Variants in ABCA2 observed in about 807,000 individuals in gnomAD.
The protein encoded by ABCA2 is ATP-binding cassette sub-family A member 2.
A neutral mutation model predicts 262.8 loss-of-function variants in ABCA2; 84 were observed. That is an observed-to-expected ratio of 0.32 (90% CI 0.27 to 0.38). ABCA2 has a LOEUF of 0.38. Ranked by LOEUF, ABCA2 falls within the 10% of genes least tolerant of loss-of-function variation. The probability of loss-of-function intolerance (pLI) is 1.00; values close to 1 mark genes in which losing one functional copy is unlikely to be tolerated. For synonymous variants in ABCA2, 1,696 were observed against 1,502.9 expected, an observed-to-expected ratio of 1.13 and a Z score of -2.97; for missense variants, 2,662 against 3,405.9, an observed-to-expected ratio of 0.78 and a Z score of 5.44.
intron 13 of ABCA2, among the ~76,000 whole-genome samples, 156 bp downstream of exon 13, chr9:137,018,563 G>GT (rs1831344041): frequency 1.0e-5 from 1 of 99,492 alleles, no homozygotes; most frequent in Non-Finnish European, 2.0e-5. Flanking sequence ...GGTTGGGGCC[G>GT]TTTGGAAGGG....
Position 137,021,111 on chromosome 9 carries a change from T to G in ABCA2, c.898-50A>C. The G allele has an allele frequency of 3.5e-6, 5 of 1,446,034 alleles. No individual in the cohort carries two copies. The highest frequency in any genetic ancestry group is 4.5e-6 in the Non-Finnish European group (5 of 1,101,790). The allele number at this position is 1,446,034 out of a possible 1,614,324, so 89.6% of individuals were successfully genotyped here. A position where few individuals can be genotyped will look rare whatever the true frequency, so the allele number is the denominator to read the frequency against. On this transcript the variant is annotated intron_variant, in intron 8 of 48. Coordinates refer to ENST00000341511, the MANE Select transcript of ABCA2 (RefSeq NM_001606.5). This position sits in a 1 kb window ranked among gnomAD's most constrained non-coding sequence, Gnocchi z 6.0. ...AGTGCGGGGTGAGATGGACTGCAGG[T>G]GGGTGATAGGTCAGGAGTGGAGCAG...
Position 137,016,797 on chromosome 9 carries a change from G to A in ABCA2, c.2759-59C>T, listed in dbSNP as rs1002494808. The A allele has an allele frequency of 1.6e-5, 24 of 1,537,348 alleles. No homozygotes were observed. The African/African-American group carries it at 2.6e-4, about 17-fold the overall frequency. On this transcript the variant is annotated intron_variant, in intron 19 of 48. Coordinates refer to ENST00000341511, the MANE Select transcript of ABCA2 (RefSeq NM_001606.5). ...AGGGCCTGGGGTGACCATCCACCAC[G>A]TGGGCCACGTGCCCACCCAGGGAGC... is the stretch of plus-strand genomic sequence containing the variant.
At chr9:137,008,900 G>GCCCCCCCCCCCCCCGAGC in intron 46 of ABCA2, 32 bp from the exon 47 acceptor site, 1 of 1,555,268 alleles carries the variant, frequency 6.4e-7, no homozygotes, top group Non-Finnish European at 8.7e-7. Context: ...GCCTGGCAGC[G>GCCCCCCCCCCCCCCGAGC]CCCCCCCACC....
Position 137,010,721 on chromosome 9 carries a change from T to C in ABCA2, c.6073A>G (p.Thr2025Ala), listed in dbSNP as rs760288576. The C allele has an allele frequency of 2.4e-5, 38 of 1,612,298 alleles. No individual in the cohort carries two copies. The highest frequency in any genetic ancestry group is 2.9e-5 in the Non-Finnish European group (34 of 1,179,808). ...TCCACATCATCCTCCACAGGCTTGG[T>C]AGACACAGGCATGCGCCTTGGGGGA... is the stretch of plus-strand genomic sequence containing the variant. ...LRRPQRMPVS[T>A]KPVEDDVDVA... Residue 2025 changes from threonine to alanine, a missense_variant, in exon 40 of 49, where the codon ACC (threonine) becomes GCC (alanine). Thr to Ala is a moderately conservative substitution (Grantham distance 58). Around this residue, in one of 12 missense-constraint regions of ABCA2, gnomAD observed 602 missense variants for 897.4 expected, o/e 0.67. Coordinates refer to ENST00000341511, the MANE Select transcript of ABCA2 (RefSeq NM_001606.5).
At chr9:137,008,055 T>G in intron 48 of ABCA2, 91 bp from the exon 49 acceptor site, 1 of 1,490,698 alleles carries the variant, frequency 6.7e-7, no homozygotes, top group Non-Finnish European at 9.0e-7. Context: ...CCGGCCCTCC[T>G]GCAGGCTGGG....
chr9:137,022,849 C>G lies in ABCA2; in HGVS notation c.292G>C (p.Glu98Gln). Residue 98 changes from glutamate (E) to glutamine (Q), a missense_variant, in exon 5 of 49, where the codon GAG becomes CAG. Physicochemically the swap from Glu to Gln is conservative, Grantham distance 29 (BLOSUM62 2). Transcript: ENST00000341511. ...YANSTVTQLLERLDRVVEEGN... is the reference protein window; with the variant it reads ...YANSTVTQLLQRLDRVVEEGN... Reference sequence around the variant, plus strand: ...TCCTCCACCACGCGGTCCAGGCGCTCAAGCAGCTGCGTGACCCTGCACCAT... The same window carrying G: ...TCCTCCACCACGCGGTCCAGGCGCTGAAGCAGCTGCGTGACCCTGCACCAT... 1 of 1,503,674 alleles carries G rather than the reference C, an allele frequency of 6.7e-7. No homozygotes were observed. The highest frequency in any genetic ancestry group is 9.0e-7 in the Non-Finnish European group (1 of 1,116,868). 93.1% of individuals were successfully genotyped at this position (1,503,674 alleles called of 1,614,324 possible).
At position 137,022,019 on chromosome 9, in the gene ABCA2, A is replaced by ATGGCTCCGATGGGGGTG; in HGVS notation, c.568-19_568-18insCACCCCCATCGGAGCCA. On this transcript the variant is annotated intron_variant, in intron 6 of 48. Coordinates refer to ENST00000341511, the MANE Select transcript of ABCA2 (RefSeq NM_001606.5). ...TGGTAGACCTAGGAGGTGTGGGGGA[A>ATGGCTCCGATGGGGGTG]TGGCTCAGATGGGGTGTGGGGGGCG... The ATGGCTCCGATGGGGGTG allele has an allele frequency of 1.3e-4, 176 of 1,327,820 alleles. No homozygotes were observed. The highest frequency in any genetic ancestry group is 1.6e-4 in the Non-Finnish European group (160 of 970,864). 82.3% of individuals were successfully genotyped at this position (1,327,820 alleles called of 1,614,324 possible). A position where few individuals can be genotyped will look rare whatever the true frequency, so the allele number is the denominator to read the frequency against.
rs1588520636 is a variant in ABCA2 at position 137,018,571 on chromosome 9, G to A, written c.1819+148C>T. 9.7e-5 allele frequency: 63 copies of A among 648,138 alleles called. No homozygotes were observed. The East Asian group carries it at 1.8e-3, about 18-fold the overall frequency. 40.1% of individuals were successfully genotyped at this position (648,138 alleles called of 1,614,324 possible). ...GGTTGTGGGTTGGGGCCGTTTGGAA[G>A]GGGCAGGGGTGGGGAGGGGAAGTGG... On this transcript the variant is annotated intron_variant, in intron 13 of 48. Transcript: ENST00000341511.
At chr9:137,027,562 G>GAA (rs1831694311) in intron 1 of ABCA2, 1 of 152,546 alleles carries the variant, frequency 6.6e-6, no homozygotes. Context: ...GAGGGGAGGC[G>GAA]GAGAGATGCC....
intron 45 of ABCA2, 122 bp from the exon 46 acceptor site, chr9:137,009,175 C>T: frequency 9.1e-7 from 1 of 1,096,286 alleles, no homozygotes; most frequent in Non-Finnish European, 1.3e-6. Context: ...CCCACAGCCC[C>T]CCAACCCCAC....
rs875285 is a variant in ABCA2, at chr9:137,018,701, G to A, written c.1819+18C>T. 57 of 1,596,194 alleles carry A rather than the reference G, an allele frequency of 3.6e-5. No individual in the cohort carries two copies. Among genetic ancestry groups the A allele is most frequent in the Admixed American group, 5.1e-5 (3 of 59,202 alleles). On this transcript the variant is annotated intron_variant, in intron 13 of 48. Coordinates refer to ENST00000341511, the MANE Select transcript of ABCA2 (RefSeq NM_001606.5). Reference sequence around the variant, plus strand: ...GAGGTCTGTGGGGGGCTGGGGCGGGGCGGGGAGGGCAGCTCACTGGCAAAA... The same window carrying A: ...GAGGTCTGTGGGGGGCTGGGGCGGGACGGGGAGGGCAGCTCACTGGCAAAA...
At chr9:137,018,648 G>C in intron 13 of ABCA2, 71 bp downstream of exon 13, 1 of 1,330,572 alleles carries the variant, frequency 7.5e-7, no homozygotes, top group Non-Finnish European at 1.0e-6. Context: ...GGGCACAGGG[G>C]GACGGGTGGG....
chr9:137,015,941 C>T (rs1331145675), intron 22 of ABCA2, 21 bp downstream of exon 22: 38 of 490,212 alleles, frequency 7.8e-5, no homozygotes, highest in Non-Finnish European at 1.4e-4. Flanking sequence ...ACCTGCCCCG[C>T]CCCCCGCCCA....
Position 137,008,754 on chromosome 9 carries a change from C to T in ABCA2, c.7045G>A (p.Val2349Ile). 6.3e-7 allele frequency: 1 copy of T among 1,587,026 alleles called. No individual in the cohort carries two copies. Among genetic ancestry groups the T allele is most frequent in the Admixed American group, 1.8e-5 (1 of 56,072 alleles). ...ACATTGTCCAGTGTGGTCTGGCTGA[C>T]CGAGTAGTCCTCGATGCCCAGCACG... ...SGVLGIEDYS[V>I]SQTTLDNVFV... is the part of the protein sequence containing the mutation. Residue 2349 changes from valine (V) to isoleucine (I), a missense_variant, in exon 47 of 49, where the codon GTC (valine) becomes ATC (isoleucine). Physicochemically the swap from Val to Ile is conservative, Grantham distance 29. Coordinates refer to ENST00000341511, the MANE Select transcript of ABCA2 (RefSeq NM_001606.5).
chr9:137,020,514 G>C lies in ABCA2; in HGVS notation c.1266-19C>G. ...AATGGTGCTGGGGTAGGGGACAGGG[G>C]GCCGGGCCAGGCCGTTAGGGGGCAG... On this transcript the variant is annotated intron_variant, in intron 9 of 48. Transcript: ENST00000341511. 1.3e-6 allele frequency: 2 copies of C among 1,566,682 alleles called. No homozygotes were observed. Among genetic ancestry groups the C allele is most frequent in the Non-Finnish European group, 1.7e-6 (2 of 1,158,408 alleles).
In ABCA2 at chr9:137,013,006, C is replaced by A; in HGVS notation, c.4863G>T (p.Gly1621=). Residue 1621 remains glycine, a synonymous_variant, in exon 30 of 49, where the codon GGG becomes GGT. Coordinates refer to ENST00000341511, the MANE Select transcript of ABCA2 (RefSeq NM_001606.5). Reference sequence around the variant, plus strand: ...GCAGGCCCCCTGAACCACTACCTGGCCCAGCGGTGGGCGGCAGGGAGACGT... The same window carrying A: ...GCAGGCCCCCTGAACCACTACCTGGACCAGCGGTGGGCGGCAGGGAGACGT... ...AWNVSLPPTA[G]PEMWTSAPSL... The A allele has an allele frequency of 1.3e-6, 2 of 1,499,234 alleles. No homozygotes were observed. The highest frequency in any genetic ancestry group is 1.8e-6 in the Non-Finnish European group (2 of 1,122,534). The allele number at this position is 1,499,234 out of a possible 1,614,324, so 92.9% of individuals were successfully genotyped here. A position where few individuals can be genotyped will look rare whatever the true frequency, so the allele number is the denominator to read the frequency against.
rs138137362 is a variant in ABCA2 at position 137,015,950 on chromosome 9, C to T, written c.3317+12G>A. ...CCGCCCACCTGCCCCGCCCCCCGCCCAGCCCACCCACTTGTCCATCTCTCT... is the reference window on the plus strand; with the variant it reads ...CCGCCCACCTGCCCCGCCCCCCGCCTAGCCCACCCACTTGTCCATCTCTCT... On this transcript the variant is annotated intron_variant, in intron 22 of 48. Transcript: ENST00000341511. 3,944 of 624,420 alleles carry T rather than the reference C, an allele frequency of 6.3e-3. 101 individuals carry two copies. The African/African-American group carries it at 0.064, about 10-fold the overall frequency. 38.7% of individuals were successfully genotyped at this position (624,420 alleles called of 1,614,324 possible). A position where few individuals can be genotyped will look rare whatever the true frequency, so the allele number is the denominator to read the frequency against.
chr9:137,009,336 G>GCCCCAGCCCA lies in ABCA2; in HGVS notation c.6827+24_6827+33dup. The GCCCCAGCCCA allele has an allele frequency of 1.0e-5, 4 of 391,364 alleles. No homozygotes were observed. The South Asian group carries it at 1.4e-4, about 14-fold the overall frequency. The allele number at this position is 391,364 out of a possible 1,614,324, so 24.2% of individuals were successfully genotyped here. A position where few individuals can be genotyped will look rare whatever the true frequency, so the allele number is the denominator to read the frequency against. ...CTGCCTGGCCGCCCCCCCCGGGCCC[G>GCCCCAGCCCA]CCCCAGCCCACCCCTGGCCCTGCCC... On this transcript the variant is annotated intron_variant, in intron 45 of 48. Coordinates refer to ENST00000341511, the MANE Select transcript of ABCA2 (RefSeq NM_001606.5).
intron 28 of ABCA2, 124 bp downstream of exon 28, chr9:137,013,708 C>T (rs565817444): frequency 1.5e-5 from 20 of 1,345,542 alleles, no homozygotes; most frequent in Non-Finnish European, 1.7e-5. Context: ...AACCCCGGTG[C>T]GTGCCCAGCC....
Sources: gnomAD v4.1 joint callset for allele counts (sites outside exome capture counted in the v4.1 genomes callset) on GRCh38, gnomAD v4.1.1 for gene constraint, gnomAD v4.1.1 regional missense constraint, Gnocchi (gnomAD v3.1) non-coding constraint, MANE v1.5 for transcripts, NCBI Gene and HGNC (gene_info 2026-07-23, HGNC 2026-07-21) for gene names.